UPB1: variants seen among roughly 807,000 people sequenced by gnomAD.
UPB1 encodes the protein beta-ureidopropionase.
In UPB1, 40 loss-of-function variants were observed where a neutral mutation model predicts 49.1. The observed-to-expected ratio is 0.81, with a 90% CI of 0.63 to 1.06. The LOEUF is 1.06. UPB1 is among the 50% of genes least tolerant of loss of function. UPB1 has a pLI of 0.00. For synonymous variants in UPB1, 207 were observed against 198.2 expected (o/e 1.04, Z -0.38); for missense variants, 499 against 505.9 (o/e 0.99, Z 0.13).
rs1041866994 is a variant in UPB1, at chr22:24,527,474, G to C, written c.*1680G>C. The C allele has an allele frequency of 1.3e-5, 2 of 152,152 alleles. No homozygotes were observed. The highest frequency in any genetic ancestry group is 2.4e-5 in the African/African-American group (1 of 41,406). 9.4% of individuals were successfully genotyped at this position (152,152 alleles called of 1,614,324 possible). ...ATCAGTGCAGCGCCTATTTAGCCCT[G>C]TCCCTGAACAACACGGCAAGAGCCC... On this transcript the variant is annotated 3_prime_UTR_variant, in exon 10 of 10. Coordinates refer to ENST00000326010, the MANE Select transcript of UPB1 (RefSeq NM_016327.3).
chr22:24,511,618 A>AT lies in UPB1; in HGVS notation c.459+788dup, dbSNP rs386395041. On this transcript the variant is annotated intron_variant, in intron 4 of 9. Transcript: ENST00000326010. ...GTGAATTATATATATATATATATAT[A>AT]TTTTTTTTTTTTTGAGATGGAGTCT... is the stretch of plus-strand genomic sequence containing the variant. Among the ~76,000 whole-genome samples the AT allele has an allele frequency of 9.0e-3, 1,099 of 122,520 alleles. 19 individuals are homozygous for AT. Among genetic ancestry groups the AT allele is most frequent in the African/African-American group, 0.029 (942 of 32,132 alleles). 80.4% of individuals were successfully genotyped at this position (122,520 alleles called of 152,430 possible). A position where few individuals can be genotyped will look rare whatever the true frequency, so the allele number is the denominator to read the frequency against.
At chr22:24,507,664 G>T (rs1049044497) in intron 3 of UPB1, among the ~76,000 whole-genome samples, 3 of 152,116 alleles carry the variant, frequency 2.0e-5, no homozygotes, top group African/African-American at 7.2e-5. Context: ...AACCGAAAAG[G>T]CGGCTTAAAG....
Position 24,528,193 on chromosome 22 carries a change from C to A in UPB1, c.*2399C>A, listed in dbSNP as rs1190320967. 3.3e-5 allele frequency: 5 copies of A among 152,212 alleles called. No homozygotes were observed. Among genetic ancestry groups the A allele is most frequent in the Non-Finnish European group, 7.3e-5 (5 of 68,032 alleles). 9.4% of individuals were successfully genotyped at this position (152,212 alleles called of 1,614,324 possible). A position where few individuals can be genotyped will look rare whatever the true frequency, so the allele number is the denominator to read the frequency against. On this transcript the variant is annotated 3_prime_UTR_variant, in exon 10 of 10. Coordinates refer to ENST00000326010, the MANE Select transcript of UPB1 (RefSeq NM_016327.3). ...GTAATCAACCTAATACAGAAGCCAG[C>A]TTAGGTGACAAATTGGTACATTTGT...
Position 24,526,554 on chromosome 22 carries a change from AT to A in UPB1, c.*762del, listed in dbSNP as rs2044483717. ...CCAGCTCCTACAATCACTGAAGTCAATTCCTTGCAATAAATCTCAATATATC... is the reference window on the plus strand; with the variant it reads ...CCAGCTCCTACAATCACTGAAGTCAATCCTTGCAATAAATCTCAATATATC... On this transcript the variant is annotated 3_prime_UTR_variant, in exon 10 of 10. Transcript: ENST00000326010. 1 of 152,634 alleles carries A rather than the reference AT, an allele frequency of 6.6e-6. No individual in the cohort carries two copies. The highest frequency in any genetic ancestry group is 2.1e-4 in the South Asian group (1 of 4,840). 9.5% of individuals were successfully genotyped at this position (152,634 alleles called of 1,614,324 possible).
In UPB1 at chr22:24,500,277, A is replaced by G. The variant is rs758904899; in HGVS notation, c.275A>G (p.Gln92Arg). 4.3e-6 allele frequency: 7 copies of G among 1,613,988 alleles called. No homozygotes were observed. The highest frequency in any genetic ancestry group is 5.1e-6 in the Non-Finnish European group (6 of 1,180,038). The change falls in exon 2 of 10, where the codon CAG becomes CGG. Residue 92 changes from glutamine (Q) to arginine (R), a missense_variant and splice_region_variant. Coordinates refer to ENST00000326010, the MANE Select transcript of UPB1 (RefSeq NM_016327.3). ...PLPANAPVAE[Q>R]VSALHRRIKA... ...CCCGCAAATGCCCCTGTGGCAGAAC[A>G]GGTGCAGACTCTTTTGACCATAATA...
Position 24,515,220 on chromosome 22 carries a change from G to A in UPB1, c.641G>A (p.Gly214Glu), listed in dbSNP as rs749190814. ...TTTCAGTCAACTTACTACATGGAGG[G>A]AAACCTGGGCCACCCCGTGTTCCAG... is the stretch of plus-strand genomic sequence containing the variant. ...DFNESTYYME[G>E]NLGHPVFQTQ... The change falls in exon 6 of 10, where the codon GGA becomes GAA. Residue 214 changes from glycine (G) to glutamate (E), a missense_variant. Transcript: ENST00000326010. 1.9e-6 allele frequency: 3 copies of A among 1,614,158 alleles called. No homozygotes were observed. Among genetic ancestry groups the A allele is most frequent in the Non-Finnish European group, 2.5e-6 (3 of 1,180,044 alleles).
At chr22:24,520,286 T>C in intron 6 of UPB1, 101 bp from the exon 7 acceptor site, 1 of 1,346,848 alleles carries the variant, frequency 7.4e-7, no homozygotes, top group South Asian at 1.2e-5. Context: ...TCCCCACCAC[T>C]GGCCCAGGAA....
At chr22:24,511,117 C>T (rs1256140883) in intron 4 of UPB1, among the ~76,000 whole-genome samples, 1 of 152,034 alleles carries the variant, frequency 6.6e-6, no homozygotes, top group Admixed American at 6.6e-5. Flanking sequence ...GTAGCAAGTC[C>T]CACAGCTGGC....
At chr22:24,516,173 C>T (rs550733401) in intron 6 of UPB1, among the ~76,000 whole-genome samples, 22 of 152,190 alleles carry the variant, frequency 1.4e-4, no homozygotes, top group Middle Eastern at 3.4e-3. Flanking sequence ...GGAGATCAGT[C>T]GAGGAAACTT....
chr22:24,515,065 A>G, intron 5 of UPB1, 136 bp from the exon 6 acceptor site: 1 of 1,170,390 alleles, frequency 8.5e-7, no homozygotes, highest in Non-Finnish European at 1.2e-6. Context: ...TTTTTATCAT[A>G]TTGAAATTCT....
rs2044488973 is a variant in UPB1 at position 24,527,180 on chromosome 22, AC to A, written c.*1390del. ...AGACCAGCCTGGCCAACACGGCGAA[AC>A]CCCGTCTCTACTAAAAATACAAAAA... On this transcript the variant is annotated 3_prime_UTR_variant, in exon 10 of 10. Transcript: ENST00000326010. 6.6e-6 allele frequency: 1 copy of A among 150,936 alleles called. No individual in the cohort carries two copies. The highest frequency in any genetic ancestry group is 2.4e-5 in the African/African-American group (1 of 40,970). 9.3% of individuals were successfully genotyped at this position (150,936 alleles called of 1,614,324 possible).
chr22:24,514,653 C>T (rs917247128), intron 5 of UPB1, among the ~76,000 whole-genome samples: 10 of 152,282 alleles, frequency 6.6e-5, no homozygotes, highest in Non-Finnish European at 5.9e-5. Context: ...ACAGGGACCT[C>T]CTTAACCCTA....
chr22:24,502,315 T>C (rs1195001426), intron 3 of UPB1, 102 bp downstream of exon 3: 7 of 1,275,806 alleles, frequency 5.5e-6, no homozygotes, highest in South Asian at 1.2e-5. Context: ...AGAATCTCCT[T>C]TGTTTCCTCA....
intron 4 of UPB1, among the ~76,000 whole-genome samples, chr22:24,512,007 T>C (rs2044215177): frequency 6.6e-6 from 1 of 152,040 alleles, no homozygotes; most frequent in South Asian, 2.1e-4. Flanking sequence ...AATAACTCTT[T>C]TCATTTCTTT....
chr22:24,512,619 CTG>C (rs1346150531), intron 4 of UPB1, among the ~76,000 whole-genome samples: 1 of 152,184 alleles, frequency 6.6e-6, no homozygotes, highest in East Asian at 1.9e-4. Flanking sequence ...TATATTCACA[CTG>C]TGCGGATCTC....
chr22:24,517,174 C>T (rs2044311606), intron 6 of UPB1, among the ~76,000 whole-genome samples: 1 of 152,230 alleles, frequency 6.6e-6, no homozygotes, highest in Non-Finnish European at 1.5e-5. Flanking sequence ...AACCCCTCCT[C>T]TGTTACCTCA....
intron 1 of UPB1, 152 bp from the exon 2 acceptor site, chr22:24,499,955 C>T (rs770272155): frequency 9.6e-5 from 110 of 1,149,646 alleles, no homozygotes; most frequent in Middle Eastern, 4.9e-4. Context: ...CCCCACTGCT[C>T]GCCAGCTCCC....
At chr22:24,499,887 T>G (rs777189443) in intron 1 of UPB1, among the ~76,000 whole-genome samples, 2 of 152,156 alleles carry the variant, frequency 1.3e-5, no homozygotes, top group Non-Finnish European at 2.9e-5. Context: ...TCTGCTGAGG[T>G]CTCCCTGCCA....
At chr22:24,502,752 A>C (rs1158948620) in intron 3 of UPB1, 5 of 545,058 alleles carry the variant, frequency 9.2e-6, no homozygotes. Context: ...TAGTGTTGCT[A>C]CTTCCTAATT....
Sources: allele counts gnomAD v4.1 joint callset (sites outside exome capture counted in the v4.1 genomes callset), GRCh38; gene constraint gnomAD v4.1.1; transcripts MANE v1.5; gene names NCBI Gene and HGNC (gene_info 2026-07-23, HGNC 2026-07-21).